SCN8A: variants seen among roughly 807,000 people sequenced by gnomAD.
The protein encoded by SCN8A is sodium voltage-gated channel alpha subunit 8.
SCN8A carries 30 observed loss-of-function variants against 184.1 expected under a neutral mutation model. The observed-to-expected ratio is 0.16, with a 90% CI of 0.12 to 0.22. The LOEUF is 0.22. SCN8A is among the 10% of genes least tolerant of loss of function. The pLI is 1.00. For missense variants in SCN8A, 1,057 were observed against 2,498.9 expected, an observed-to-expected ratio of 0.42 and a Z score of 12.30; for synonymous variants, 852 against 907.0, an observed-to-expected ratio of 0.94 and a Z score of 1.09.
At chr12:51,626,495 T>C (rs549044839) in intron 1 of SCN8A, among the ~76,000 whole-genome samples, 28 of 152,306 alleles carry the variant, frequency 1.8e-4, no homozygotes, top group Non-Finnish European at 3.2e-4. Context: ...CAGAAATTTA[T>C]AGATGAAGAC....
At chr12:51,653,582 A>G (rs185665194) in intron 1 of SCN8A, among the ~76,000 whole-genome samples, 157 of 152,266 alleles carry the variant, frequency 1.0e-3, no homozygotes, top group Non-Finnish European at 1.6e-3. Context: ...CCATTTGTTT[A>G]TCTCATAGAC....
chr12:51,632,198 T>G (rs1940211002), intron 1 of SCN8A, among the ~76,000 whole-genome samples: 1 of 152,244 alleles, frequency 6.6e-6, no homozygotes, highest in South Asian at 2.1e-4. Flanking sequence ...ATTCCTAGTC[T>G]TTGTTCTTTT....
chr12:51,640,037 G>T (rs1239300253), intron 1 of SCN8A, among the ~76,000 whole-genome samples: 1 of 146,574 alleles, frequency 6.8e-6, no homozygotes, highest in Non-Finnish European at 1.5e-5. Flanking sequence ...CTGGGTAGCT[G>T]GGACTATGGG....
chr12:51,757,332 A>G (rs972752510), intron 14 of SCN8A, among the ~76,000 whole-genome samples: 1 of 151,688 alleles, frequency 6.6e-6, no homozygotes, highest in East Asian at 1.9e-4. Context: ...TCATGTCTCC[A>G]TTGCAGTACA....
At chr12:51,757,623 C>T (rs1314996018) in intron 14 of SCN8A, among the ~76,000 whole-genome samples, 2 of 152,180 alleles carry the variant, frequency 1.3e-5, no homozygotes, top group East Asian at 3.9e-4. Context: ...AGGCATATGA[C>T]CACAGGCTAG....
At chr12:51,763,333 T>C (rs958734308) in intron 15 of SCN8A, among the ~76,000 whole-genome samples, 1 of 152,210 alleles carries the variant, frequency 6.6e-6, no homozygotes, top group Admixed American at 6.5e-5. Context: ...AATACTTTAT[T>C]ATAAAATGGG....
chr12:51,761,924 C>T (rs1942768212), intron 14 of SCN8A, among the ~76,000 whole-genome samples: 1 of 151,424 alleles, frequency 6.6e-6, no homozygotes, highest in African/African-American at 2.4e-5. Context: ...TGTCAAAATA[C>T]CTGTGTATTT....
chr12:51,780,379 C>T, intron 20 of SCN8A: 2 of 351,098 alleles, frequency 5.7e-6, no homozygotes, highest in South Asian at 4.9e-5. Flanking sequence ...GTATGTTCTA[C>T]CGCCTTCTCG....
intron 1 of SCN8A, among the ~76,000 whole-genome samples, chr12:51,636,883 A>G (rs1230981984): frequency 3.3e-5 from 5 of 152,216 alleles, no homozygotes; most frequent in African/African-American, 2.4e-5. Flanking sequence ...GGCATACCTC[A>G]TTTTATTGGG....
Position 51,594,256 on chromosome 12 carries a change from A to C in SCN8A, c.-55+2897A>C, listed in dbSNP as rs373974806. Among the ~76,000 whole-genome samples the C allele has an allele frequency of 1.1e-4, 17 of 152,298 alleles. No homozygotes were observed. In the East Asian group the frequency reaches 1.7e-3, roughly 16 times the overall value. On this transcript the variant is annotated intron_variant, in intron 1 of 26. Transcript: ENST00000627620. ...TTCCATTTGGATTCCACTGTGATCA[A>C]AGTATTTTAATCTCATTGAAAAGGT...
At chr12:51,677,351 G>A (rs990078182) in intron 2 of SCN8A, among the ~76,000 whole-genome samples, 1 of 151,990 alleles carries the variant, frequency 6.6e-6, no homozygotes, top group Admixed American at 6.5e-5. Context: ...GCCTCCAAGA[G>A]TGCTGGGATT....
intron 11 of SCN8A, among the ~76,000 whole-genome samples, chr12:51,718,795 G>A (rs1381143233): frequency 2.0e-5 from 3 of 151,130 alleles, no homozygotes; most frequent in Non-Finnish European, 4.4e-5. Flanking sequence ...CATCTATTGG[G>A]TTAAACGAGC....
At chr12:51,609,222 A>C (rs1939663910) in intron 1 of SCN8A, among the ~76,000 whole-genome samples, 1 of 152,224 alleles carries the variant, frequency 6.6e-6, no homozygotes, top group Non-Finnish European at 1.5e-5. Flanking sequence ...TTGTTGGATG[A>C]AATGTTCTGA....
At chr12:51,734,223 C>A (rs1488122183) in intron 12 of SCN8A, among the ~76,000 whole-genome samples, 2 of 152,028 alleles carry the variant, frequency 1.3e-5, no homozygotes, top group Non-Finnish European at 2.9e-5. Flanking sequence ...GTTGGGGAGA[C>A]CCTAACCCAG....
At chr12:51,709,225 C>T (rs1941832496) in intron 11 of SCN8A, among the ~76,000 whole-genome samples, 1 of 152,108 alleles carries the variant, frequency 6.6e-6, no homozygotes, top group Admixed American at 6.5e-5. Flanking sequence ...TGTTGGATAA[C>T]CAAGTACAGA....
At chr12:51,695,374 C>G (rs1406127329) in intron 6 of SCN8A, among the ~76,000 whole-genome samples, 1 of 152,166 alleles carries the variant, frequency 6.6e-6, no homozygotes, top group Non-Finnish European at 1.5e-5. Context: ...TTACACATTT[C>G]TTTAGCAATA....
intron 12 of SCN8A, among the ~76,000 whole-genome samples, chr12:51,727,799 C>T (rs1942178811): frequency 6.6e-6 from 1 of 152,054 alleles, no homozygotes; most frequent in Admixed American, 6.6e-5. Context: ...CCTGTCTCTA[C>T]TAAAATACAA....
intron 13 of SCN8A, among the ~76,000 whole-genome samples, chr12:51,746,455 T>G (rs1942513327): frequency 6.6e-6 from 1 of 152,226 alleles, no homozygotes; most frequent in African/African-American, 2.4e-5. Context: ...CCTTTTTAAC[T>G]ACTTACAGCC....
intron 1 of SCN8A, among the ~76,000 whole-genome samples, chr12:51,596,402 A>C (rs1434715942): frequency 6.6e-6 from 1 of 152,220 alleles, no homozygotes; most frequent in African/African-American, 2.4e-5. Flanking sequence ...AAGTTGTCCA[A>C]GCTAAGGACT....
Sources: gnomAD v4.1 joint callset for allele counts (sites outside exome capture counted in the v4.1 genomes callset) on GRCh38, gnomAD v4.1.1 for gene constraint, MANE v1.5 for transcripts, NCBI Gene and HGNC (gene_info 2026-07-23, HGNC 2026-07-21) for gene names.